Variants in PRDM15 observed in about 807,000 individuals in gnomAD.
PRDM15 encodes the protein PR/SET domain 15, also known as PR domain zinc finger protein 15.
A neutral mutation model predicts 128.6 loss-of-function variants in PRDM15; 64 were observed. The observed-to-expected ratio is 0.50, with a 90% CI of 0.41 to 0.61. PRDM15 has a LOEUF of 0.61. PRDM15 is among the 20% of genes least tolerant of loss of function. The pLI, the probability that PRDM15 is intolerant of heterozygous loss-of-function variation, is 0.00. For synonymous variants in PRDM15, 615 were observed against 621.8 expected, an observed-to-expected ratio of 0.99 and a Z score of 0.16; for missense variants, 1,242 against 1,569.1, an observed-to-expected ratio of 0.79 and a Z score of 3.52.
rs1459021179 is a variant in PRDM15 at position 41,879,186 on chromosome 21, G to A, written c.-10+84C>T. 2 of 813,226 alleles carry A rather than the reference G, an allele frequency of 2.5e-6. No homozygotes were observed. Among genetic ancestry groups the A allele is most frequent in the African/African-American group, 3.8e-5 (2 of 52,788 alleles). The allele number at this position is 813,226 out of a possible 1,614,324, so 50.4% of individuals were successfully genotyped here. A position where few individuals can be genotyped will look rare whatever the true frequency, so the allele number is the denominator to read the frequency against. ...GGGGCAGCGGGCCCAGGGCGCGCCGGGGCTCGCGGGGGCAGCGGGTGCGGC... is the reference window on the plus strand; with the variant it reads ...GGGGCAGCGGGCCCAGGGCGCGCCGAGGCTCGCGGGGGCAGCGGGTGCGGC... On this transcript the variant is annotated intron_variant, in intron 1 of 23. Transcript: ENST00000398548. The surrounding 1 kb of genome is among the most constrained non-coding windows in gnomAD (Gnocchi z 5.1).
At chr21:41,878,753 G>A (rs1355261054) in intron 1 of PRDM15, 2 of 1,552,188 alleles carry the variant, frequency 1.3e-6, no homozygotes, top group Admixed American at 1.8e-5. Flanking sequence ...CGTGCGACCC[G>A]CATGGGCTGT....
chr21:41,866,987 TTC>T (rs757054050), intron 1 of PRDM15, among the ~76,000 whole-genome samples: 12 of 152,140 alleles, frequency 7.9e-5, no homozygotes, highest in Non-Finnish European at 1.6e-4. Flanking sequence ...AATCCGAACT[TTC>T]TGTTGTTACC....
chr21:41,808,705 C>T lies in PRDM15; in HGVS notation c.2652+1449G>A, dbSNP rs77956920. The stretch of plus-strand genomic sequence containing the variant: ...TTATATATACACACAATGTATGTGA[C>T]GTGTATTGTGTATACACACATTATA... On this transcript the variant is annotated intron_variant, in intron 21 of 23. Transcript: ENST00000398548. 9.4e-3 allele frequency among the ~76,000 whole-genome samples: 1,430 copies of T among 152,256 alleles called. 8 individuals are homozygous for T. Among genetic ancestry groups the T allele is most frequent in the South Asian group, 0.025 (121 of 4,826 alleles).
intron 11 of PRDM15, among the ~76,000 whole-genome samples, chr21:41,833,296 C>A (rs556940183): frequency 6.6e-6 from 1 of 152,288 alleles, no homozygotes; most frequent in South Asian, 2.1e-4. Context: ...GAAAAACCCA[C>A]AAGACTGTAA....
Position 41,879,231 on chromosome 21 carries a change from CGCCGGGGCGGGCGGCGGGCGCAG to C in PRDM15, c.-10+16_-10+38del, listed in dbSNP as rs1306897112. On this transcript the variant is annotated intron_variant, in intron 1 of 23. Coordinates refer to ENST00000398548, the MANE Select transcript of PRDM15 (RefSeq NM_001040424.3). This position sits in a 1 kb window ranked among gnomAD's most constrained non-coding sequence, Gnocchi z 5.1. ...TGCGGCCCGGGGCCGGCGGGGCGCACGCCGGGGCGGGCGGCGGGCGCAGGGCCCGGAGCTTTACCTGCCTTTGG... is the reference window on the plus strand; with the variant it reads ...TGCGGCCCGGGGCCGGCGGGGCGCACGGCCCGGAGCTTTACCTGCCTTTGG... 1.2e-6 allele frequency: 1 copy of C among 839,542 alleles called. No individual in the cohort carries two copies. The highest frequency in any genetic ancestry group is 1.4e-6 in the Non-Finnish European group (1 of 702,358). The allele number at this position is 839,542 out of a possible 1,614,324, so 52.0% of individuals were successfully genotyped here. A position where few individuals can be genotyped will look rare whatever the true frequency, so the allele number is the denominator to read the frequency against.
chr21:41,868,757 C>G (rs1042214315), intron 1 of PRDM15, among the ~76,000 whole-genome samples: 8 of 137,388 alleles, frequency 5.8e-5, no homozygotes, highest in African/African-American at 1.9e-4. Flanking sequence ...GTGGCATGAT[C>G]TCAGCTCACT....
chr21:41,860,419 A>C, intron 1 of PRDM15, 47 bp from the exon 2 acceptor site: 2 of 1,563,816 alleles, frequency 1.3e-6, no homozygotes, highest in Non-Finnish European at 1.8e-6. Flanking sequence ...TCTTACCAAA[A>C]TACTTTTGTT....
intron 11 of PRDM15, chr21:41,834,674 G>A (rs28532851): frequency 1.0e-5 from 8 of 770,454 alleles, no homozygotes; most frequent in Non-Finnish European, 1.7e-5. Context: ...TGGGGAAGGT[G>A]TGACTCCCAC....
At chr21:41,865,878 G>A (rs2063991004) in intron 1 of PRDM15, among the ~76,000 whole-genome samples, 1 of 152,092 alleles carries the variant, frequency 6.6e-6, no homozygotes, top group African/African-American at 2.4e-5. Flanking sequence ...TCAAGTAGCT[G>A]GGACTACAGG....
intron 10 of PRDM15, among the ~76,000 whole-genome samples, chr21:41,835,777 G>T (rs577782982): frequency 8.9e-6 from 1 of 112,970 alleles, no homozygotes; most frequent in Non-Finnish European, 1.9e-5. Context: ...TTCCTGCTGC[G>T]CTTGTGGGCA....
intron 16 of PRDM15, among the ~76,000 whole-genome samples, chr21:41,820,580 G>A (rs73375546): frequency 0.043 from 6,606 of 152,272 alleles, 456 homozygotes; most frequent in African/African-American, 0.15. Context: ...CAGAGGAGGC[G>A]GCCCTGCCGC....
Position 41,801,675 on chromosome 21 carries a change from T to C in PRDM15, c.2991A>G (p.Ser997=). The change falls in exon 24 of 24, where the codon TCA becomes TCG. Residue 997 remains serine, a synonymous_variant. Transcript: ENST00000398548. The stretch of plus-strand genomic sequence containing the variant: ...TCACGGTGATGTTGGTTAAGCCGAC[T>C]GAGCTCGATGGTGTGGTCACATTTG... ...GDPNVTTPSS[S]VGLTNITVTP... 6.2e-7 allele frequency: 1 copy of C among 1,614,132 alleles called. No homozygotes were observed. Among genetic ancestry groups the C allele is most frequent in the Non-Finnish European group, 8.5e-7 (1 of 1,180,020 alleles).
chr21:41,854,618 A>G lies in PRDM15; in HGVS notation c.486T>C (p.Tyr162=), dbSNP rs527489450. ...GCATGGGCTTGTCCATCTTCTTGGC[A>G]TAGAAGGCCGCATACCACACGCGCA... The part of the protein sequence containing the change: ...TELRVWYAAF[Y]AKKMDKPMLK... The change falls in exon 5 of 24, where the codon TAT becomes TAC. Residue 162 remains tyrosine, a synonymous_variant. Coordinates refer to ENST00000398548, the MANE Select transcript of PRDM15 (RefSeq NM_001040424.3). This position sits in a 1 kb window ranked among gnomAD's most constrained non-coding sequence, Gnocchi z 4.6. 3 of 1,613,752 alleles carry G rather than the reference A, an allele frequency of 1.9e-6. No homozygotes were observed. In the South Asian group the frequency reaches 3.3e-5, roughly 18 times the overall value.
chr21:41,835,412 G>A (rs1160649314), intron 11 of PRDM15, 25 bp downstream of exon 11: 8 of 1,587,494 alleles, frequency 5.0e-6, no homozygotes, highest in Middle Eastern at 1.7e-4. Flanking sequence ...CAGCGGCCGA[G>A]GGGAGACGTG....
At chr21:41,861,825 G>C in intron 1 of PRDM15, 1 of 1,586,110 alleles carries the variant, frequency 6.3e-7, no homozygotes, top group South Asian at 1.1e-5. Flanking sequence ...GCAGAGGAAA[G>C]AGAGTTCCAA....
chr21:41,828,235 A>G lies in PRDM15; in HGVS notation c.1465T>C (p.Cys489Arg). 6.2e-7 allele frequency: 1 copy of G among 1,614,082 alleles called. No individual in the cohort carries two copies. The highest frequency in any genetic ancestry group is 8.5e-7 in the Non-Finnish European group (1 of 1,179,978). Residue 489 changes from cysteine (C) to arginine (R), a missense_variant, in exon 12 of 24, where the codon TGT becomes CGT. Cys to Arg is a radical substitution (Grantham distance 180, BLOSUM62 -3). This residue lies in a region of PRDM15 where 612 missense variants were observed against 717.0 expected (regional missense o/e 0.85). Coordinates refer to ENST00000398548, the MANE Select transcript of PRDM15 (RefSeq NM_001040424.3). This position sits in a 1 kb window ranked among gnomAD's most constrained non-coding sequence, Gnocchi z 5.7. ...TAGAACATCTTGCTGCAGACCTCACAGGCAAACTTCTTGTCGCCGTGCTTC... is the reference window on the plus strand; with the variant it reads ...TAGAACATCTTGCTGCAGACCTCACGGGCAAACTTCTTGTCGCCGTGCTTC... ...KKKHGDKKFACEVCSKMFYRK... is the reference protein window; with the variant it reads ...KKKHGDKKFAREVCSKMFYRK...
chr21:41,865,937 G>A (rs2063993748), intron 1 of PRDM15, among the ~76,000 whole-genome samples: 1 of 151,906 alleles, frequency 6.6e-6, no homozygotes, highest in Non-Finnish European at 1.5e-5. Context: ...TAGAGATTTG[G>A]TCTCACTATG....
Position 41,810,156 on chromosome 21 carries a change from C to T in PRDM15, c.2650G>A (p.Glu884Lys), listed in dbSNP as rs1285008988. The T allele has an allele frequency of 9.3e-6, 15 of 1,605,568 alleles. No homozygotes were observed. The highest frequency in any genetic ancestry group is 6.7e-5 in the East Asian group (3 of 44,764). Residue 884 changes from glutamate to lysine, a missense_variant and splice_region_variant, in exon 21 of 24, where the codon GAG becomes AAG. By Grantham distance (56) the Glu-to-Lys change is moderately conservative. Around this residue, in one of 3 missense-constraint regions of PRDM15, gnomAD observed 602 missense variants for 788.3 expected, o/e 0.76. Transcript: ENST00000398548. The surrounding 1 kb of genome is among the most constrained non-coding windows in gnomAD (Gnocchi z 6.4). ...AGGGGGCACAGCCACCAGCTCACCT[C>T]GGGGTGCTTGCGCCGCATGTGTCGG... Reference protein sequence around the residue: ...MSRHMRRKHPEVLAVRIDDLD... With the variant: ...MSRHMRRKHPKVLAVRIDDLD...
At chr21:41,867,465 C>A in intron 1 of PRDM15, 1 of 1,033,194 alleles carries the variant, frequency 9.7e-7, no homozygotes, top group Non-Finnish European at 1.5e-6. Context: ...CAGAGTCTCA[C>A]TATGTTGCCC....
Sources: gnomAD v4.1 joint callset for allele counts (sites outside exome capture counted in the v4.1 genomes callset) on GRCh38, gnomAD v4.1.1 for gene constraint, gnomAD v4.1.1 regional missense constraint, Gnocchi (gnomAD v3.1) non-coding constraint, MANE v1.5 for transcripts, NCBI Gene and HGNC (gene_info 2026-07-23, HGNC 2026-07-21) for gene names.